Variants in FRMPD4 observed in about 807,000 individuals in gnomAD.
The protein encoded by FRMPD4 is FERM and PDZ domain containing 4.
Under a neutral mutation model 94.1 loss-of-function variants are expected in FRMPD4, and 22 were observed. That is an observed-to-expected ratio of 0.23 (90% CI 0.17 to 0.33). FRMPD4 has a LOEUF of 0.33. Among genes scored for constraint, FRMPD4 ranks in the 10% least tolerant of loss-of-function variants. The probability of loss-of-function intolerance (pLI) is 1.00; values close to 1 mark genes in which losing one functional copy is unlikely to be tolerated. For synonymous variants in FRMPD4, 631 were observed against 548.6 expected (o/e 1.15, Z -2.10); for missense variants, 1,111 against 1,339.9 (o/e 0.83, Z 2.67).
chrX:12,470,260 T>C lies in FRMPD4; in HGVS notation c.42-28420T>C, dbSNP rs188074555. On this transcript the variant is annotated intron_variant, in intron 1 of 16. Transcript: ENST00000675598. ...AGCCTGTCTTTCTGTTCAAACACAA[T>C]TGGAAATTGTCGTTAACATCTCTAT... 3.0e-3 allele frequency among the ~76,000 whole-genome samples: 333 copies of C among 112,158 alleles called. 1 individual carries two copies. The highest frequency in any genetic ancestry group is 9.9e-3 in the African/African-American group (306 of 30,917).
chrX:12,196,399 T>C (rs901487825), intron 1 of FRMPD4, among the ~76,000 whole-genome samples: 5 of 110,906 alleles, frequency 4.5e-5, no homozygotes, highest in African/African-American at 1.6e-4. Context: ...GGGCAAAATA[T>C]CACAGTAATC....
intron 3 of FRMPD4, among the ~76,000 whole-genome samples, chrX:11,909,607 T>C (rs1020198520): frequency 9.1e-6 from 1 of 110,245 alleles, no homozygotes; most frequent in Non-Finnish European, 1.9e-5. Flanking sequence ...CAGATTTTCT[T>C]GAGTTGGAGC....
intron 4 of FRMPD4, among the ~76,000 whole-genome samples, chrX:12,670,121 G>A (rs2059824162): frequency 8.9e-6 from 1 of 111,925 alleles, no homozygotes; most frequent in African/African-American, 3.2e-5. Flanking sequence ...TTGCTCTAGA[G>A]AAAATTAGCA....
At chrX:12,543,585 A>G (rs1183080922) in intron 2 of FRMPD4, among the ~76,000 whole-genome samples, 1 of 111,387 alleles carries the variant, frequency 9.0e-6, no homozygotes, top group Non-Finnish European at 1.9e-5. Context: ...AAAAGTCTGG[A>G]AACAGGTGCT....
chrX:12,254,728 A>G (rs980468734), intron 1 of FRMPD4, among the ~76,000 whole-genome samples: 19 of 112,131 alleles, frequency 1.7e-4, no homozygotes, highest in Admixed American at 1.2e-3. Context: ...TATTTAGCCA[A>G]TCTGAAGTTC....
intron 4 of FRMPD4, among the ~76,000 whole-genome samples, chrX:12,665,687 C>T (rs771724294): frequency 4.5e-5 from 5 of 111,703 alleles, no homozygotes; most frequent in Admixed American, 9.5e-5. Context: ...GCTTCATAAG[C>T]GAAGGAGAAA....
intron 1 of FRMPD4, among the ~76,000 whole-genome samples, chrX:12,201,705 G>A (rs2056632739): frequency 8.9e-6 from 1 of 111,867 alleles, no homozygotes; most frequent in Admixed American, 9.5e-5. Context: ...AAGGGAGAAG[G>A]ACAGTGTCTG....
At chrX:12,461,507 G>T (rs761931975) in intron 1 of FRMPD4, among the ~76,000 whole-genome samples, 1 of 111,763 alleles carries the variant, frequency 8.9e-6, no homozygotes, top group South Asian at 3.7e-4. Context: ...AGTACATGAC[G>T]CCATCAATGT....
intron 1 of FRMPD4, among the ~76,000 whole-genome samples, chrX:12,341,931 G>A (rs2055620961): frequency 8.9e-6 from 1 of 111,858 alleles, no homozygotes; most frequent in African/African-American, 3.2e-5. Context: ...AATTCTGTAG[G>A]GGAAAAAGGC....
chrX:12,678,561 C>G (rs1247157578), intron 5 of FRMPD4, among the ~76,000 whole-genome samples: 2 of 112,460 alleles, frequency 1.8e-5, no homozygotes, highest in Non-Finnish European at 3.8e-5. Flanking sequence ...CATGGTGGCT[C>G]ACGCCTGTAA....
At chrX:12,348,844 G>GCAA (rs2055756260) in intron 1 of FRMPD4, among the ~76,000 whole-genome samples, 1 of 111,792 alleles carries the variant, frequency 8.9e-6, no homozygotes, top group Admixed American at 9.5e-5. Flanking sequence ...ATGGGAAACA[G>GCAA]CAACAACAAC....
chrX:11,848,523 TC>T (rs762245219), intron 1 of FRMPD4, among the ~76,000 whole-genome samples: 35 of 109,998 alleles, frequency 3.2e-4, no homozygotes, highest in Admixed American at 5.8e-4. Flanking sequence ...TTTTTTTTTT[TC>T]ATTAGGTCCT....
upstream of FRMPD4, among the ~76,000 whole-genome samples, chrX:12,137,088 T>C (rs2147559258): frequency 8.9e-6 from 1 of 112,013 alleles, no homozygotes; most frequent in African/African-American, 3.2e-5. Context: ...ACCCAAACTA[T>C]AATTATTTTA....
intron 1 of FRMPD4, among the ~76,000 whole-genome samples, chrX:11,856,104 A>T (rs1014222387): frequency 2.4e-4 from 27 of 111,627 alleles, no homozygotes; most frequent in African/African-American, 7.8e-4. Flanking sequence ...TGCCCAGTGA[A>T]AGGGGAAGCC....
At chrX:12,487,682 T>G (rs1257569178) in intron 1 of FRMPD4, among the ~76,000 whole-genome samples, 1 of 112,305 alleles carries the variant, frequency 8.9e-6, no homozygotes, top group African/African-American at 3.2e-5. Context: ...AGTGAAATTA[T>G]ATATTTTCCT....
chrX:12,057,156 A>G (rs1343036747), intron 3 of FRMPD4, among the ~76,000 whole-genome samples: 2 of 111,882 alleles, frequency 1.8e-5, no homozygotes, highest in Non-Finnish European at 1.9e-5. Flanking sequence ...GCTTTCCTCT[A>G]TCAATTAGTT....
chrX:12,472,172 C>T (rs187929008), intron 1 of FRMPD4, among the ~76,000 whole-genome samples: 80 of 112,169 alleles, frequency 7.1e-4, no homozygotes, highest in African/African-American at 2.5e-3. Context: ...ATAAGTTGCC[C>T]ACAAACCCTG....
intron 1 of FRMPD4, among the ~76,000 whole-genome samples, chrX:12,176,756 G>GT (rs1391936599): frequency 8.9e-6 from 1 of 112,103 alleles, no homozygotes; most frequent in African/African-American, 3.2e-5. Context: ...GGGATGTATA[G>GT]TTTGGCCAAA....
At position 12,095,966 on chromosome X, in the gene FRMPD4, T is replaced by C. The variant is rs777368632; in HGVS notation, c.95+217948T>C. Among the ~76,000 whole-genome samples the C allele has an allele frequency of 9.8e-5, 11 of 112,087 alleles. No homozygotes were observed. In the South Asian group the frequency reaches 3.7e-3, roughly 38 times the overall value. On this transcript the variant is annotated intron_variant, in intron 3 of 18. Coordinates refer to the FRMPD4 transcript ENST00000640291. ...CACCCTAATCTGATCTCAGGATCTC[T>C]GCCTTTCCCTCTGTAAGATTCATAC...
Sources: gnomAD v4.1 joint callset for allele counts (sites outside exome capture counted in the v4.1 genomes callset) on GRCh38, gnomAD v4.1.1 for gene constraint, MANE v1.5 for transcripts, NCBI Gene and HGNC (gene_info 2026-07-23, HGNC 2026-07-21) for gene names.